Variants in STK32C observed in about 807,000 individuals in gnomAD.
STK32C encodes serine/threonine-protein kinase 32C.
In STK32C, 31 loss-of-function variants were observed where a neutral mutation model predicts 56.5. The ratio of observed to expected loss-of-function variants is 0.55; its 90% confidence interval spans 0.41 to 0.74. The LOEUF (loss-of-function observed/expected upper bound fraction) is 0.74, where lower values mean the gene tolerates loss of function less well. Among genes scored for constraint, STK32C ranks in the 30% least tolerant of loss-of-function variants. STK32C has a pLI of 0.00. For missense variants in STK32C, 544 were observed against 676.9 expected (o/e 0.80, Z 2.18); for synonymous variants, 309 against 289.4 (o/e 1.07, Z -0.69).
chr10:132,211,140 GAA>G (rs1007050681), intron 10 of STK32C, among the ~76,000 whole-genome samples: 1 of 152,202 alleles, frequency 6.6e-6, no homozygotes, highest in African/African-American at 2.4e-5. Context: ...TAGTCATCAA[GAA>G]GAGGACAGGC....
At chr10:132,265,392 A>G (rs2064483732) in intron 1 of STK32C, among the ~76,000 whole-genome samples, 1 of 152,202 alleles carries the variant, frequency 6.6e-6, no homozygotes, top group Non-Finnish European at 1.5e-5. Flanking sequence ...GTGTCCAGGA[A>G]GAGCCAGTCC....
intron 1 of STK32C, among the ~76,000 whole-genome samples, chr10:132,327,963 G>C (rs1443684082): frequency 2.0e-5 from 3 of 152,148 alleles, no homozygotes; most frequent in Non-Finnish European, 4.4e-5. Flanking sequence ...AAGTGCCTGA[G>C]AGTAGTGGAG....
intron 2 of STK32C, among the ~76,000 whole-genome samples, chr10:132,231,061 C>T (rs1266723688): frequency 1.3e-5 from 2 of 152,218 alleles, no homozygotes; most frequent in Admixed American, 6.5e-5. Context: ...CCCAGGACCA[C>T]CCGCTTTCCC....
intron 1 of STK32C, among the ~76,000 whole-genome samples, chr10:132,289,863 G>T (rs2065513658): frequency 6.6e-6 from 1 of 152,086 alleles, no homozygotes; most frequent in South Asian, 2.1e-4. Flanking sequence ...TGTGGGTGGG[G>T]ACACAAACAT....
At chr10:132,218,733 A>G (rs1269835790) in intron 10 of STK32C, among the ~76,000 whole-genome samples, 3 of 152,268 alleles carry the variant, frequency 2.0e-5, no homozygotes, top group Non-Finnish European at 4.4e-5. Context: ...ATATCCACAC[A>G]AAGACTTGTA....
intron 1 of STK32C, among the ~76,000 whole-genome samples, chr10:132,276,028 C>T (rs867923778): frequency 7.9e-5 from 12 of 152,292 alleles, no homozygotes; most frequent in African/African-American, 2.6e-4. Flanking sequence ...CCCCAAGCCG[C>T]CACACCACCA....
chr10:132,325,502 G>A (rs1163656113), intron 1 of STK32C, among the ~76,000 whole-genome samples: 10 of 150,640 alleles, frequency 6.6e-5, no homozygotes, highest in African/African-American at 2.0e-4. Context: ...CCAGTGAGCC[G>A]AGATCGCACC....
chr10:132,219,667 ATTCT>A (rs1034594853), intron 10 of STK32C, among the ~76,000 whole-genome samples: 5 of 152,062 alleles, frequency 3.3e-5, no homozygotes, highest in Non-Finnish European at 7.4e-5. Flanking sequence ...TCCACCAGCA[ATTCT>A]GCCTGAGGAC....
intron 1 of STK32C, among the ~76,000 whole-genome samples, chr10:132,302,699 G>C (rs1046148956): frequency 6.6e-6 from 1 of 152,106 alleles, no homozygotes; most frequent in African/African-American, 2.4e-5. Context: ...TCCAAAATGC[G>C]AGTCCACACC....
chr10:132,303,284 T>G (rs1292588104), intron 1 of STK32C, among the ~76,000 whole-genome samples: 1 of 152,238 alleles, frequency 6.6e-6, no homozygotes. Context: ...CCCTACGGGC[T>G]GCAATTTCCA....
chr10:132,249,035 AAGCCTCCCGACTGTGCGACG>A lies in STK32C; in HGVS notation c.263-3100_263-3081del, dbSNP rs1388071612. ...GTCACCTGCGCCCTGCACACCTGCAAAGCCTCCCGACTGTGCGACGGAGGCGGCGGCTCCGGCAGAGGCTC... is the reference window on the plus strand; with the variant it reads ...GTCACCTGCGCCCTGCACACCTGCAAGAGGCGGCGGCTCCGGCAGAGGCTC... On this transcript the variant is annotated intron_variant, in intron 1 of 11. Transcript: ENST00000298630. 2.1e-5 allele frequency: 10 copies of A among 474,804 alleles called. No homozygotes were observed. The Admixed American group carries it at 2.2e-4, about 10-fold the overall frequency. The allele number at this position is 474,804 out of a possible 1,614,324, so 29.4% of individuals were successfully genotyped here. A position where few individuals can be genotyped will look rare whatever the true frequency, so the allele number is the denominator to read the frequency against.
chr10:132,248,906 A>G (rs538267725), intron 1 of STK32C: 149 of 454,920 alleles, frequency 3.3e-4, no homozygotes, highest in African/African-American at 2.7e-3. Flanking sequence ...ACTTTAGAGA[A>G]TAAGCACAAG....
chr10:132,243,713 G>A (rs2063586365), intron 2 of STK32C, among the ~76,000 whole-genome samples: 1 of 152,336 alleles, frequency 6.6e-6, no homozygotes, highest in East Asian at 1.9e-4. Flanking sequence ...CCATTTCCGA[G>A]AGCGGCGGCC....
intron 1 of STK32C, among the ~76,000 whole-genome samples, chr10:132,291,564 G>A (rs914283973): frequency 6.6e-6 from 1 of 152,188 alleles, no homozygotes; most frequent in African/African-American, 2.4e-5. Context: ...GCCCAATGGA[G>A]TTGGGCCTGG....
chr10:132,330,924 C>T lies in STK32C; in HGVS notation c.301+512G>A, dbSNP rs184685791. On this transcript the variant is annotated intron_variant, in intron 1 of 1. Coordinates refer to the STK32C transcript ENST00000368619. ...TTTCCTTTAAAAAGTGGAATCAGGC[C>T]GGGCACGGTGGCTCATGCCTGTAAT... is the stretch of plus-strand genomic sequence containing the variant. Among the ~76,000 whole-genome samples the T allele has an allele frequency of 2.5e-3, 372 of 151,014 alleles. 4 individuals carry two copies. The highest frequency in any genetic ancestry group is 8.7e-3 in the African/African-American group (358 of 41,252).
At chr10:132,250,359 G>A (rs111335976) in intron 1 of STK32C, among the ~76,000 whole-genome samples, 12,499 of 118,052 alleles carry the variant, frequency 0.11, 727 homozygotes, top group East Asian at 0.19. Flanking sequence ...TCACTGCAGA[G>A]AGGAGAGGGC....
At chr10:132,245,232 C>A (rs1356672533) in intron 2 of STK32C, among the ~76,000 whole-genome samples, 2 of 152,196 alleles carry the variant, frequency 1.3e-5, no homozygotes, top group Non-Finnish European at 2.9e-5. Context: ...ATCTGCTAAG[C>A]CTCCCGGGAC....
At chr10:132,316,879 C>A (rs2066320163) in intron 1 of STK32C, among the ~76,000 whole-genome samples, 1 of 151,598 alleles carries the variant, frequency 6.6e-6, no homozygotes, top group South Asian at 2.1e-4. Flanking sequence ...CATGATGAAA[C>A]CCCGACTCTA....
intron 1 of STK32C, among the ~76,000 whole-genome samples, chr10:132,283,037 C>T (rs1165462548): frequency 2.6e-5 from 4 of 152,218 alleles, no homozygotes; most frequent in African/African-American, 7.2e-5. Context: ...TCCACCAAGG[C>T]GGACCCCACT....
Sources: allele counts gnomAD v4.1 joint callset (sites outside exome capture counted in the v4.1 genomes callset), GRCh38; gene constraint gnomAD v4.1.1; transcripts MANE v1.5; gene names NCBI Gene and HGNC (gene_info 2026-07-23, HGNC 2026-07-21).